SHMT1: variants seen among roughly 807,000 people sequenced by gnomAD.
The protein encoded by SHMT1 is serine hydroxymethyltransferase 1.
Under a neutral mutation model 49.0 loss-of-function variants are expected in SHMT1, and 45 were observed. The observed-to-expected ratio is 0.92, with a 90% CI of 0.72 to 1.18. SHMT1 has a LOEUF of 1.18. Among genes scored for constraint, SHMT1 ranks in the 50% most tolerant of loss-of-function variants. SHMT1 has a pLI of 0.00. For missense variants in SHMT1, 541 were observed against 612.4 expected (o/e 0.88, Z 1.23); for synonymous variants, 232 against 246.6 (o/e 0.94, Z 0.55).
intron 7 of SHMT1, among the ~76,000 whole-genome samples, chr17:18,336,417 G>A (rs1983798888): frequency 6.6e-6 from 1 of 152,200 alleles, no homozygotes; most frequent in African/African-American, 2.4e-5. Flanking sequence ...TGTAATCCCA[G>A]CACTTTGGGA....
At chr17:18,358,257 C>T (rs1192937052) in intron 1 of SHMT1, among the ~76,000 whole-genome samples, 1 of 149,954 alleles carries the variant, frequency 6.7e-6, no homozygotes, top group African/African-American at 2.4e-5. Context: ...TTTGGGAGGC[C>T]GAGGTGGGCG....
intron 2 of SHMT1, among the ~76,000 whole-genome samples, chr17:18,355,482 G>C (rs1241398514): frequency 6.6e-6 from 1 of 152,058 alleles, no homozygotes; most frequent in Non-Finnish European, 1.5e-5. Flanking sequence ...GGAGGTTGCA[G>C]TGAGCCAAGA....
chr17:18,353,292 T>C (rs982681538), intron 3 of SHMT1, among the ~76,000 whole-genome samples: 1 of 152,232 alleles, frequency 6.6e-6, no homozygotes, highest in African/African-American at 2.4e-5. Context: ...CAGCCTCCAC[T>C]TCCACACCAT....
In SHMT1 at chr17:18,330,596, A is replaced by G. The variant is rs1399103053; in HGVS notation, c.1130T>C (p.Leu377Pro). Residue 377 changes from leucine to proline, a missense_variant, in exon 10 of 12, where the codon CTA (leucine) becomes CCA (proline). By Grantham distance (98) the Leu-to-Pro change is moderately conservative. Transcript: ENST00000316694. ...GTTGCAGGCAATAGAACAGGCTTCT[A>G]GCACCTTCTCAGCCCTTCCACCATC... Reference protein sequence around the residue: ...GTDGGRAEKVLEACSIACNKN... With the variant: ...GTDGGRAEKVPEACSIACNKN... 1 of 1,614,026 alleles carries G rather than the reference A, an allele frequency of 6.2e-7. No individual in the cohort carries two copies. Among genetic ancestry groups the G allele is most frequent in the African/African-American group, 1.3e-5 (1 of 74,936 alleles).
Position 18,340,905 on chromosome 17 carries a change from CAA to C in SHMT1, c.520-94_520-93del. The C allele has an allele frequency of 1.1e-6, 1 of 889,886 alleles. No homozygotes were observed. Among genetic ancestry groups the C allele is most frequent in the South Asian group, 1.4e-5 (1 of 70,564 alleles). 55.1% of individuals were successfully genotyped at this position (889,886 alleles called of 1,614,324 possible). A position where few individuals can be genotyped will look rare whatever the true frequency, so the allele number is the denominator to read the frequency against. On this transcript the variant is annotated intron_variant, in intron 5 of 11. Coordinates refer to ENST00000316694, the MANE Select transcript of SHMT1 (RefSeq NM_004169.5). The surrounding 1 kb of genome is among the most constrained non-coding windows in gnomAD (Gnocchi z 4.5). ...CTTGAACTGGCTCCACCCACCATGACAAGAGGAATGATGTCCTAGATGAGGAC... is the reference window on the plus strand; with the variant it reads ...CTTGAACTGGCTCCACCCACCATGACGAGGAATGATGTCCTAGATGAGGAC...
At chr17:18,332,697 A>T (rs891922749) in intron 9 of SHMT1, 2 of 262,752 alleles carry the variant, frequency 7.6e-6, no homozygotes, top group African/African-American at 4.4e-5. Flanking sequence ...ATCCAAGCAA[A>T]CATGCCTAAA....
rs35005892 is a variant in SHMT1, at chr17:18,343,919, T to TAA, written c.520-3108_520-3107dup. Among the ~76,000 whole-genome samples the TAA allele has an allele frequency of 9.9e-3, 1,054 of 106,844 alleles. 7 individuals carry two copies. Among genetic ancestry groups the TAA allele is most frequent in the Middle Eastern group, 0.019 (4 of 206 alleles). 70.1% of individuals were successfully genotyped at this position (106,844 alleles called of 152,430 possible). A position where few individuals can be genotyped will look rare whatever the true frequency, so the allele number is the denominator to read the frequency against. ...TGGGAGGCAGAGCCAGATACTGTCTTAAAAAAAAAAAAAAAAAAAAAGTCA... is the reference window on the plus strand; with the variant it reads ...TGGGAGGCAGAGCCAGATACTGTCTTAAAAAAAAAAAAAAAAAAAAAAAGTCA... On this transcript the variant is annotated intron_variant, in intron 5 of 11. Coordinates refer to ENST00000316694, the MANE Select transcript of SHMT1 (RefSeq NM_004169.5).
intron 2 of SHMT1, among the ~76,000 whole-genome samples, chr17:18,355,649 C>G (rs1986171295): frequency 6.7e-6 from 1 of 149,422 alleles, no homozygotes; most frequent in African/African-American, 2.4e-5. Context: ...TGTCAGTGAT[C>G]TCTCCCCTTC....
At chr17:18,330,471 G>T in intron 10 of SHMT1, 84 bp downstream of exon 10, 1 of 1,012,016 alleles carries the variant, frequency 9.9e-7, no homozygotes, top group Non-Finnish European at 1.6e-6. Flanking sequence ...TGTCCCCGGA[G>T]CCAATATATT....
chr17:18,363,296 A>ACC, intron 1 of SHMT1, 76 bp downstream of exon 1: 1 of 151,550 alleles, frequency 6.6e-6, no homozygotes, highest in Non-Finnish European at 1.5e-5. Context: ...ACGCCGAAGC[A>ACC]CCCCCCGGGC....
intron 1 of SHMT1, among the ~76,000 whole-genome samples, chr17:18,360,753 G>A (rs1176046096): frequency 6.6e-6 from 1 of 152,104 alleles, no homozygotes; most frequent in African/African-American, 2.4e-5. Flanking sequence ...CCAGACAAAG[G>A]AGAAAGTGTG....
chr17:18,329,826 A>G (rs1982984973), intron 10 of SHMT1, among the ~76,000 whole-genome samples: 1 of 152,180 alleles, frequency 6.6e-6, no homozygotes, highest in Non-Finnish European at 1.5e-5. Flanking sequence ...GCCAAGAGAC[A>G]GCCAAGGTAT....
At chr17:18,352,857 CAAAAT>C (rs1985861534) in intron 3 of SHMT1, among the ~76,000 whole-genome samples, 1 of 149,068 alleles carries the variant, frequency 6.7e-6, no homozygotes, top group Non-Finnish European at 1.5e-5. Context: ...CTGGTGTTAA[CAAAAT>C]ACCTTAGCCT....
Position 18,347,652 on chromosome 17 carries a change from G to C in SHMT1, c.363C>G (p.Ser121=). The change falls in exon 5 of 12, where the codon TCC becomes TCG. Residue 121 remains serine, a synonymous_variant. Coordinates refer to ENST00000316694, the MANE Select transcript of SHMT1 (RefSeq NM_004169.5). ...WGVNVQPYSG[S]PANFAVYTAL... ...CAGTGTACACAGCAAAGTTTGCAGG[G>C]GAGCCTGAAACGAGTGGACCAGAGG... is the stretch of plus-strand genomic sequence containing the variant. 1 of 1,614,162 alleles carries C rather than the reference G, an allele frequency of 6.2e-7. No individual in the cohort carries two copies. Among genetic ancestry groups the C allele is most frequent in the South Asian group, 1.1e-5 (1 of 91,086 alleles).
intron 1 of SHMT1, among the ~76,000 whole-genome samples, chr17:18,362,343 T>TA (rs753377624): frequency 6.6e-6 from 1 of 152,092 alleles, no homozygotes; most frequent in Non-Finnish European, 1.5e-5. Flanking sequence ...TCTTTTGAGA[T>TA]AGAGTCTCAC....
rs1289051033 is a variant in SHMT1, at chr17:18,355,974, A to G, written c.8T>C (p.Met3Thr). The G allele has an allele frequency of 1.9e-6, 3 of 1,612,584 alleles. No individual in the cohort carries two copies. The highest frequency in any genetic ancestry group is 1.1e-5 in the South Asian group (1 of 91,052). MT[M>T]PVNGAHKDAD... ...ATCCTTGTGGGCCCCGTTGACTGGC[A>G]TCGTCATTGCACTGGTTCGAAGCTG... Residue 3 changes from methionine (M) to threonine (T), a missense_variant, in exon 2 of 12, where the codon ATG becomes ACG. Transcript: ENST00000316694.
intron 3 of SHMT1, among the ~76,000 whole-genome samples, chr17:18,353,201 G>A (rs1327727437): frequency 6.6e-6 from 1 of 152,196 alleles, no homozygotes; most frequent in African/African-American, 2.4e-5. Flanking sequence ...GTAATTCTGA[G>A]GGTGAAAGAG....
Position 18,340,706 on chromosome 17 carries a change from A to G in SHMT1, c.601+26T>C. 5.6e-6 allele frequency: 9 copies of G among 1,597,206 alleles called. No homozygotes were observed. Among genetic ancestry groups the G allele is most frequent in the Non-Finnish European group, 7.7e-6 (9 of 1,170,558 alleles). ...AGAGGCACCAGGCTACTGGTGAACA[A>G]GGTGACTTTCCGCCCCGCGCATCAC... On this transcript the variant is annotated intron_variant, in intron 6 of 11. Transcript: ENST00000316694. This position sits in a 1 kb window ranked among gnomAD's most constrained non-coding sequence, Gnocchi z 4.5.
intron 7 of SHMT1, among the ~76,000 whole-genome samples, chr17:18,337,192 C>G (rs1241666762): frequency 6.6e-6 from 1 of 152,168 alleles, no homozygotes; most frequent in Admixed American, 6.5e-5. Context: ...ATAGTCCCCA[C>G]TCTAGAGGTG....
Sources: allele counts gnomAD v4.1 joint callset (sites outside exome capture counted in the v4.1 genomes callset), GRCh38; gene constraint gnomAD v4.1.1; non-coding constraint Gnocchi (gnomAD v3.1); transcripts MANE v1.5; gene names NCBI Gene and HGNC (gene_info 2026-07-23, HGNC 2026-07-21).